The following VWC2 variants were observed in gnomAD, a reference collection of about 807,000 sequenced individuals.
VWC2 encodes the protein von Willebrand factor C domain containing 2, also known as brorin.
In VWC2, 14 loss-of-function variants were observed where a neutral mutation model predicts 29.8. The ratio of observed to expected loss-of-function variants is 0.47; its 90% CI spans 0.31 to 0.74. The LOEUF (loss-of-function observed/expected upper bound fraction) is 0.74. Ranked by LOEUF, VWC2 falls within the 30% of genes least tolerant of loss-of-function variation. VWC2 has a pLI of 0.05. For synonymous variants in VWC2, 213 were observed against 199.0 expected (o/e 1.07, Z -0.59); for missense variants, 457 against 459.8 (o/e 0.99, Z 0.05).
At chr7:49,886,863 G>A (rs924014130) in intron 3 of VWC2, among the ~76,000 whole-genome samples, 1 of 152,112 alleles carries the variant, frequency 6.6e-6, no homozygotes, top group South Asian at 2.1e-4. Flanking sequence ...AGAAAAATGT[G>A]TATGTTTCAA....
intron 3 of VWC2, among the ~76,000 whole-genome samples, chr7:49,863,497 T>A (rs117673528): frequency 6.6e-5 from 10 of 152,264 alleles, no homozygotes; most frequent in Non-Finnish European, 1.2e-4. Flanking sequence ...CATGGCATGA[T>A]CTCAGCTCAC....
rs781021144 is a variant in VWC2 at position 49,914,286 on chromosome 7, G to A, written c.*2101G>A. On this transcript the variant is annotated 3_prime_UTR_variant, in exon 4 of 4. Transcript: ENST00000340652. ...TAATTCCTACCAGAATGGATGATGA[G>A]CTCTGAAATAATTGCAATGGTGTTT... 6.6e-6 allele frequency: 1 copy of A among 152,212 alleles called. No homozygotes were observed. The highest frequency in any genetic ancestry group is 2.4e-5 in the African/African-American group (1 of 41,460). The allele number at this position is 152,212 out of a possible 1,614,324, so 9.4% of individuals were successfully genotyped here. A position where few individuals can be genotyped will look rare whatever the true frequency, so the allele number is the denominator to read the frequency against.
chr7:49,869,448 G>A (rs1035874764), intron 3 of VWC2, among the ~76,000 whole-genome samples: 2 of 152,180 alleles, frequency 1.3e-5, no homozygotes, highest in Non-Finnish European at 1.5e-5. Flanking sequence ...CACTAGGGTA[G>A]CAAATCGGAT....
chr7:49,838,820 T>C (rs1789727149), intron 3 of VWC2, among the ~76,000 whole-genome samples: 1 of 152,168 alleles, frequency 6.6e-6, no homozygotes, highest in South Asian at 2.1e-4. Context: ...ATAATGTACA[T>C]TTTACAAATC....
intron 3 of VWC2, among the ~76,000 whole-genome samples, chr7:49,836,864 C>T (rs550405715): frequency 1.9e-4 from 29 of 152,246 alleles, no homozygotes; most frequent in African/African-American, 5.3e-4. Flanking sequence ...ATCATATATT[C>T]TTCTCAGAGA....
rs1793904554 is a variant in VWC2 at position 49,919,452 on chromosome 7, A to T, written c.*7267A>T. On this transcript the variant is annotated 3_prime_UTR_variant, in exon 4 of 4. Transcript: ENST00000340652. ...TCTGATACATAGTAGCTAGCTAGTG[A>T]TAAAATTATGAAGTTACCATTGTAT... 1 of 152,210 alleles carries T rather than the reference A, an allele frequency of 6.6e-6. No individual in the cohort carries two copies. The highest frequency in any genetic ancestry group is 1.5e-5 in the Non-Finnish European group (1 of 68,024). 9.4% of individuals were successfully genotyped at this position (152,210 alleles called of 1,614,324 possible).
chr7:49,868,611 T>C (rs1200886960), intron 3 of VWC2, among the ~76,000 whole-genome samples: 3 of 152,176 alleles, frequency 2.0e-5, no homozygotes, highest in Admixed American at 6.5e-5. Context: ...AATGATCTCA[T>C]GTAGGGAGTT....
At chr7:49,874,052 A>T (rs1313329373) in intron 3 of VWC2, among the ~76,000 whole-genome samples, 4 of 152,146 alleles carry the variant, frequency 2.6e-5, no homozygotes, top group African/African-American at 9.7e-5. Context: ...CATACATGGC[A>T]TATTTTGCTA....
chr7:49,814,056 G>T (rs150892155), intron 3 of VWC2, among the ~76,000 whole-genome samples: 42 of 152,226 alleles, frequency 2.8e-4, no homozygotes, highest in African/African-American at 7.7e-4. Context: ...CATAAGTCAA[G>T]AACTCTACTC....
At chr7:49,909,211 C>T (rs1226410819) in intron 3 of VWC2, among the ~76,000 whole-genome samples, 1 of 152,162 alleles carries the variant, frequency 6.6e-6, no homozygotes, top group African/African-American at 2.4e-5. Flanking sequence ...TCTAAGGATA[C>T]AGGTCTTCTG....
rs968295514 is a variant in VWC2 at position 49,920,793 on chromosome 7, T to A, written c.*8608T>A. The A allele has an allele frequency of 6.6e-6, 1 of 152,182 alleles. No homozygotes were observed. The highest frequency in any genetic ancestry group is 2.4e-5 in the African/African-American group (1 of 41,464). The allele number at this position is 152,182 out of a possible 1,614,324, so 9.4% of individuals were successfully genotyped here. A position where few individuals can be genotyped will look rare whatever the true frequency, so the allele number is the denominator to read the frequency against. On this transcript the variant is annotated 3_prime_UTR_variant, in exon 4 of 4. Coordinates refer to ENST00000340652, the MANE Select transcript of VWC2 (RefSeq NM_198570.5). ...AGTATTTGAAAACTTAAAAAAAAAG[T>A]CATTTTAAATAACATCATTTACCAA... is the stretch of plus-strand genomic sequence containing the variant.
intron 1 of VWC2, among the ~76,000 whole-genome samples, chr7:49,774,517 C>T (rs1788009094): frequency 6.6e-6 from 1 of 152,228 alleles, no homozygotes; most frequent in African/African-American, 2.4e-5. Flanking sequence ...GGGTCTCGCG[C>T]CCACTCTGCG....
chr7:49,793,742 C>T (rs1276711439), intron 2 of VWC2, among the ~76,000 whole-genome samples: 2 of 152,176 alleles, frequency 1.3e-5, no homozygotes, highest in African/African-American at 4.8e-5. Context: ...CTATTGCAAA[C>T]TCTTAGGGCT....
chr7:49,880,043 TAA>T (rs1015892103), intron 3 of VWC2, among the ~76,000 whole-genome samples: 14 of 152,170 alleles, frequency 9.2e-5, no homozygotes, highest in African/African-American at 3.1e-4. Flanking sequence ...TTCTCCCAAC[TAA>T]AATTTTAATT....
chr7:49,850,108 C>T (rs1215861199), intron 3 of VWC2, among the ~76,000 whole-genome samples: 1 of 152,086 alleles, frequency 6.6e-6, no homozygotes, highest in Non-Finnish European at 1.5e-5. Context: ...CCAAGCCTAG[C>T]ACATAGCATG....
chr7:49,788,289 G>T (rs1400595894), intron 2 of VWC2, among the ~76,000 whole-genome samples: 1 of 152,174 alleles, frequency 6.6e-6, no homozygotes, highest in Non-Finnish European at 1.5e-5. Context: ...TCTACAGTTG[G>T]GGGTGCGAGC....
chr7:49,864,763 G>A (rs1395177861), intron 3 of VWC2, among the ~76,000 whole-genome samples: 7 of 152,196 alleles, frequency 4.6e-5, no homozygotes, highest in East Asian at 3.8e-4. Context: ...TTCTGAACCC[G>A]GGACCAAGTT....
intron 3 of VWC2, among the ~76,000 whole-genome samples, chr7:49,889,295 T>C (rs940202782): frequency 6.6e-6 from 1 of 152,236 alleles, no homozygotes; most frequent in Non-Finnish European, 1.5e-5. Context: ...AGGCTTCTAT[T>C]GTGAAGGTTA....
intron 3 of VWC2, among the ~76,000 whole-genome samples, chr7:49,850,760 C>T (rs142283704): frequency 6.6e-6 from 1 of 152,346 alleles, no homozygotes; most frequent in East Asian, 1.9e-4. Context: ...TTACTTCACC[C>T]TGCATAACTC....
Sources: gnomAD v4.1 joint callset for allele counts (sites outside exome capture counted in the v4.1 genomes callset) on GRCh38, gnomAD v4.1.1 for gene constraint, MANE v1.5 for transcripts, NCBI Gene and HGNC (gene_info 2026-07-23, HGNC 2026-07-21) for gene names.